The following CMSS1 variants were observed in gnomAD, a reference collection of about 807,000 sequenced individuals.
CMSS1 encodes the protein protein CMSS1.
CMSS1 carries 33 observed loss-of-function variants against 43.5 expected under a neutral mutation model. The observed-to-expected ratio is 0.76, with a 90% CI of 0.57 to 1.01. The LOEUF is 1.01. Among genes scored for constraint, CMSS1 ranks in the 50% least tolerant of loss-of-function variants. The pLI, the probability that CMSS1 is intolerant of heterozygous loss-of-function variation, is 0.00. For synonymous variants in CMSS1, 115 were observed against 117.2 expected, an observed-to-expected ratio of 0.98 and a Z score of 0.12; for missense variants, 313 against 326.4, an observed-to-expected ratio of 0.96 and a Z score of 0.32.
At chr3:99,916,437 TACACACACACACACACACACACACAC>T (rs10529210) in intron 1 of CMSS1, among the ~76,000 whole-genome samples, 1 of 137,068 alleles carries the variant, frequency 7.3e-6, no homozygotes, top group Non-Finnish European at 1.6e-5. Flanking sequence ...TAACGGTTTA[TACACACACACACACACACACACACAC>T]ACACACACAC....
At chr3:99,828,474 C>G (rs1271976937) in intron 1 of CMSS1, among the ~76,000 whole-genome samples, 1 of 134,540 alleles carries the variant, frequency 7.4e-6, no homozygotes, top group Non-Finnish European at 1.6e-5. Flanking sequence ...TCCCCACAAA[C>G]AAGGTCTTGC....
At chr3:100,081,374 A>G (rs758529870) in intron 1 of CMSS1, among the ~76,000 whole-genome samples, 8 of 152,202 alleles carry the variant, frequency 5.3e-5, no homozygotes. Flanking sequence ...GCTTTTGGAA[A>G]CCCAGCAGGA....
chr3:100,162,512 A>G, intron 4 of CMSS1, 80 bp downstream of exon 4: 1 of 1,460,906 alleles, frequency 6.8e-7, no homozygotes, highest in Non-Finnish European at 9.3e-7. Flanking sequence ...CAGGCAGTCA[A>G]TTAACACATT....
chr3:100,160,570 T>C (rs2067015194), intron 3 of CMSS1, 69 bp downstream of exon 3: 4 of 755,236 alleles, frequency 5.3e-6, no homozygotes, highest in Non-Finnish European at 9.0e-6. Flanking sequence ...TATATCATAC[T>C]TTCTTGAGGC....
At chr3:99,938,167 C>T (rs1393667058) in intron 1 of CMSS1, among the ~76,000 whole-genome samples, 1 of 152,158 alleles carries the variant, frequency 6.6e-6, no homozygotes, top group Non-Finnish European at 1.5e-5. Flanking sequence ...TTTAATTTCA[C>T]TGAATTTTGT....
chr3:99,841,089 A>G lies in CMSS1; in HGVS notation c.64+23046A>G, dbSNP rs73860474. 3.4e-3 allele frequency among the ~76,000 whole-genome samples: 518 copies of G among 152,336 alleles called. 6 individuals are homozygous for G. Among genetic ancestry groups the G allele is most frequent in the African/African-American group, 0.012 (495 of 41,578 alleles). ...GAGGTACACAGTTTAATGTGTCATGATCAGTGGATTGATCGATTGTGTACA... is the reference window on the plus strand; with the variant it reads ...GAGGTACACAGTTTAATGTGTCATGGTCAGTGGATTGATCGATTGTGTACA... On this transcript the variant is annotated intron_variant, in intron 1 of 9. Coordinates refer to ENST00000421999, the MANE Select transcript of CMSS1 (RefSeq NM_032359.4).
chr3:100,068,747 C>T (rs1295728284), intron 1 of CMSS1, among the ~76,000 whole-genome samples: 8 of 152,176 alleles, frequency 5.3e-5, no homozygotes, highest in Admixed American at 5.2e-4. Context: ...CCTGCCTCAG[C>T]CTCCCAAGTA....
chr3:99,983,385 AATAAATATATAT>A (rs1240210928), intron 1 of CMSS1, among the ~76,000 whole-genome samples: 7 of 84,060 alleles, frequency 8.3e-5, no homozygotes, highest in South Asian at 4.0e-4. Context: ...AAAATAAATA[AATAAATATATAT>A]ATATATATAT....
rs901706845 is a variant in CMSS1, at chr3:100,179,502, C to G, written c.*1114C>G. The G allele has an allele frequency of 2.0e-5, 3 of 152,272 alleles. No individual in the cohort carries two copies. The highest frequency in any genetic ancestry group is 6.5e-5 in the Admixed American group (1 of 15,286). 9.4% of individuals were successfully genotyped at this position (152,272 alleles called of 1,614,324 possible). A position where few individuals can be genotyped will look rare whatever the true frequency, so the allele number is the denominator to read the frequency against. ...GCCCAAAGGAGCTAAAGGCCTCATG[C>G]CAGTTTGAAACCCAGCAGGGCACTC... On this transcript the variant is annotated 3_prime_UTR_variant, in exon 10 of 10. Transcript: ENST00000421999.
chr3:100,070,654 G>T, intron 1 of CMSS1, among the ~76,000 whole-genome samples: 1 of 151,892 alleles, frequency 6.6e-6, no homozygotes, highest in East Asian at 1.9e-4. Flanking sequence ...TTTTTGAGAC[G>T]GAGTTTCACT....
At chr3:100,166,278 TTTGA>T in intron 4 of CMSS1, 53 bp from the exon 5 acceptor site, 1 of 1,143,666 alleles carries the variant, frequency 8.7e-7, no homozygotes, top group East Asian at 2.3e-5. Flanking sequence ...TATAATCTGT[TTTGA>T]TTGTGTGTGT....
chr3:99,934,388 T>G (rs955618446), intron 1 of CMSS1, among the ~76,000 whole-genome samples: 2 of 152,242 alleles, frequency 1.3e-5, no homozygotes, highest in Non-Finnish European at 2.9e-5. Flanking sequence ...TTTGGTTCTT[T>G]ACTTCTTTTC....
intron 1 of CMSS1, among the ~76,000 whole-genome samples, chr3:100,144,551 G>GT (rs1274163735): frequency 1.3e-5 from 2 of 152,162 alleles, no homozygotes; most frequent in Non-Finnish European, 2.9e-5. Flanking sequence ...AGGAGATGGA[G>GT]CCTTCAGGGG....
At chr3:99,839,480 A>AC (rs1387128745) in intron 1 of CMSS1, among the ~76,000 whole-genome samples, 1 of 152,112 alleles carries the variant, frequency 6.6e-6, no homozygotes, top group Non-Finnish European at 1.5e-5. Context: ...CTCAGAGAGG[A>AC]CCTTTTAGAA....
chr3:99,909,765 A>C (rs1183361721), intron 1 of CMSS1, among the ~76,000 whole-genome samples: 4 of 152,248 alleles, frequency 2.6e-5, no homozygotes, highest in African/African-American at 9.6e-5. Flanking sequence ...AGATAACCTC[A>C]GTGTATATTT....
intron 1 of CMSS1, among the ~76,000 whole-genome samples, chr3:99,913,093 A>T (rs542692060): frequency 1.1e-3 from 169 of 147,614 alleles, no homozygotes; most frequent in Middle Eastern, 3.4e-3. Flanking sequence ...AGGAGACGAC[A>T]GCGGTTTACA....
chr3:99,916,749 T>G (rs944803236), intron 1 of CMSS1, among the ~76,000 whole-genome samples: 1 of 152,208 alleles, frequency 6.6e-6, no homozygotes, highest in South Asian at 2.1e-4. Context: ...TTTGTTGTTC[T>G]AACTCGAGTC....
chr3:99,876,318 G>C, intron 1 of CMSS1: 1 of 538,872 alleles, frequency 1.9e-6, no homozygotes, highest in Non-Finnish European at 2.4e-6. Flanking sequence ...ACACACCCCA[G>C]CTCCCGCGGA....
At chr3:99,832,120 T>G (rs1470081896) in intron 1 of CMSS1, among the ~76,000 whole-genome samples, 1 of 152,192 alleles carries the variant, frequency 6.6e-6, no homozygotes, top group Non-Finnish European at 1.5e-5. Flanking sequence ...ACCATTGATG[T>G]GCAAGCTTTT....
Sources: gnomAD v4.1 joint callset for allele counts (sites outside exome capture counted in the v4.1 genomes callset) on GRCh38, gnomAD v4.1.1 for gene constraint, MANE v1.5 for transcripts, NCBI Gene and HGNC (gene_info 2026-07-23, HGNC 2026-07-21) for gene names.